The following CHD6 variants were observed in gnomAD, a reference collection of about 807,000 sequenced individuals.
CHD6 encodes the protein chromodomain helicase DNA binding protein 6.
A neutral mutation model predicts 276.9 loss-of-function variants in CHD6; 50 were observed. The ratio of observed to expected loss-of-function variants is 0.18; its 90% confidence interval spans 0.14 to 0.23. The LOEUF is 0.23. CHD6 is among the 10% of genes least tolerant of loss of function. The pLI, the probability that CHD6 is intolerant of heterozygous loss-of-function variation, is 1.00. For missense variants in CHD6, 2,564 were observed against 3,365.8 expected (o/e 0.76, Z 5.89); for synonymous variants, 1,173 against 1,229.3 (o/e 0.95, Z 0.96).
At chr20:41,556,629 TAACTGTC>T (rs1055273380) in intron 1 of CHD6, among the ~76,000 whole-genome samples, 58 of 152,160 alleles carry the variant, frequency 3.8e-4, no homozygotes, top group Middle Eastern at 3.4e-3. Flanking sequence ...TACTGTAGAG[TAACTGTC>T]TAGTTCACTG....
At chr20:41,529,712 T>TA (rs749396653) in intron 3 of CHD6, among the ~76,000 whole-genome samples, 163 of 152,020 alleles carry the variant, frequency 1.1e-3, no homozygotes, top group Admixed American at 4.1e-3. Flanking sequence ...GTTGGCCAGG[T>TA]ATAGCGCCAG....
chr20:41,616,289 T>C (rs951432865), intron 1 of CHD6, among the ~76,000 whole-genome samples: 7 of 152,162 alleles, frequency 4.6e-5, no homozygotes, highest in African/African-American at 1.7e-4. Flanking sequence ...AAAATGATCA[T>C]ATTGAAAGAG....
rs1442992372 is a variant in CHD6, at chr20:41,404,648, T to C, written c.8093A>G (p.His2698Arg). ...TGCCCCCTCCCCAGCCTGTGCCCCATGTTCTCTCTCTGCGGGCAAAGGGGC... is the reference window on the plus strand; with the variant it reads ...TGCCCCCTCCCCAGCCTGTGCCCCACGTTCTCTCTCTGCGGGCAAAGGGGC... ...PSAPLPAERE[H>R]GAQAGEGALK... Residue 2698 changes from histidine to arginine, a missense_variant, in exon 37 of 37, where the codon CAT becomes CGT. His to Arg is a conservative substitution (Grantham distance 29). Coordinates refer to ENST00000373233, the MANE Select transcript of CHD6 (RefSeq NM_032221.5). 3.3e-6 allele frequency: 5 copies of C among 1,525,228 alleles called. No homozygotes were observed. The East Asian group carries it at 9.1e-5, about 28-fold the overall frequency. 94.5% of individuals were successfully genotyped at this position (1,525,228 alleles called of 1,614,324 possible).
At position 41,451,118 on chromosome 20, in the gene CHD6, G is replaced by C; in HGVS notation, c.3524-13C>G. On this transcript the variant is annotated splice_polypyrimidine_tract_variant and intron_variant, in intron 22 of 36. Transcript: ENST00000373233. The stretch of plus-strand genomic sequence containing the variant: ...GGGGCAGATAAGCCTGAAACAGAAA[G>C]ACAGCATAGGGCAAGTGGATAGCCA... 1 of 1,612,406 alleles carries C rather than the reference G, an allele frequency of 6.2e-7. No individual in the cohort carries two copies. The highest frequency in any genetic ancestry group is 8.5e-7 in the Non-Finnish European group (1 of 1,178,938).
At chr20:41,444,095 C>T (rs1487162501) in intron 25 of CHD6, among the ~76,000 whole-genome samples, 3 of 152,132 alleles carry the variant, frequency 2.0e-5, no homozygotes, top group Admixed American at 2.0e-4. Context: ...CTAGGCCTTC[C>T]CCCACAAACC....
At chr20:41,521,603 G>A (rs192840104) in intron 3 of CHD6, among the ~76,000 whole-genome samples, 8 of 152,118 alleles carry the variant, frequency 5.3e-5, no homozygotes, top group East Asian at 1.9e-4. Context: ...TCATATGTGC[G>A]CGTTTGTATG....
At chr20:41,436,957 G>A (rs1307220644) in intron 27 of CHD6, among the ~76,000 whole-genome samples, 1 of 152,152 alleles carries the variant, frequency 6.6e-6, no homozygotes, top group Non-Finnish European at 1.5e-5. Flanking sequence ...ATCCATATCA[G>A]TATCCTGGTT....
At position 41,473,960 on chromosome 20, in the gene CHD6, C is replaced by T. The variant is rs1480987626; in HGVS notation, c.2469-443G>A. Among the ~76,000 whole-genome samples the T allele has an allele frequency of 6.6e-6, 1 of 152,280 alleles. No homozygotes were observed. The highest frequency in any genetic ancestry group is 1.9e-4 in the East Asian group (1 of 5,192). On this transcript the variant is annotated intron_variant, in intron 16 of 36. Transcript: ENST00000373233. The surrounding 1 kb of genome is among the most constrained non-coding windows in gnomAD (Gnocchi z 4.1). ...AGGACTCAGAGTTTTCATCAGTTTC[C>T]AGCTACTTTAGGGTAAACCAGAAAT...
Position 41,490,027 on chromosome 20 carries a change from G to GA in CHD6, c.1437-7dup, listed in dbSNP as rs1372837552. On this transcript the variant is annotated splice_region_variant and splice_polypyrimidine_tract_variant and intron_variant, in intron 11 of 36. Transcript: ENST00000373233. ...CAGCCAAAATACAGTTTTTTCTGCA[G>GA]AGAGTGAGAAATATAGGTAATTCAT... 2 of 1,612,152 alleles carry GA rather than the reference G, an allele frequency of 1.2e-6. No homozygotes were observed. Among genetic ancestry groups the GA allele is most frequent in the African/African-American group, 1.3e-5 (1 of 74,988 alleles).
At chr20:41,470,912 G>A (rs1457706485) in intron 17 of CHD6, among the ~76,000 whole-genome samples, 2 of 152,214 alleles carry the variant, frequency 1.3e-5, no homozygotes, top group East Asian at 1.9e-4. Context: ...CCTGGATATC[G>A]CTTCAGGCAT....
chr20:41,548,451 TA>T (rs947836011), intron 2 of CHD6, among the ~76,000 whole-genome samples: 7 of 152,166 alleles, frequency 4.6e-5, no homozygotes, highest in African/African-American at 1.7e-4. Flanking sequence ...TGTTTTGATT[TA>T]AATAAATGCT....
chr20:41,554,891 T>C (rs934150174), intron 1 of CHD6, among the ~76,000 whole-genome samples: 8 of 152,212 alleles, frequency 5.3e-5, no homozygotes, highest in Non-Finnish European at 7.3e-5. Context: ...CAATGAGCTG[T>C]TGGGTACACC....
chr20:41,552,224 A>G (rs2045157703), intron 1 of CHD6, among the ~76,000 whole-genome samples: 1 of 152,240 alleles, frequency 6.6e-6, no homozygotes, highest in Non-Finnish European at 1.5e-5. Context: ...TTCTAGTTCT[A>G]GCCGGAATAT....
chr20:41,428,627 C>T (rs553370647), intron 27 of CHD6, among the ~76,000 whole-genome samples: 2 of 152,308 alleles, frequency 1.3e-5, no homozygotes, highest in African/African-American at 4.8e-5. Flanking sequence ...TTTGATCTCT[C>T]TCAAGCTCAT....
At chr20:41,586,709 G>T in intron 1 of CHD6, among the ~76,000 whole-genome samples, 1 of 152,076 alleles carries the variant, frequency 6.6e-6, no homozygotes, top group East Asian at 1.9e-4. Context: ...ATAATTCACC[G>T]TATCAACAGA....
intron 11 of CHD6, 67 bp downstream of exon 11, chr20:41,491,631 G>A: frequency 1.3e-6 from 2 of 1,598,200 alleles, no homozygotes; most frequent in Non-Finnish European, 1.7e-6. Context: ...TGCGACTCTA[G>A]GTGTTCCAGG....
rs150552562 is a variant in CHD6, at chr20:41,453,747, C to T, written c.3121-805G>A. Among the ~76,000 whole-genome samples the T allele has an allele frequency of 9.5e-3, 1,454 of 152,274 alleles. 22 individuals are homozygous for T. Among genetic ancestry groups the T allele is most frequent in the Admixed American group, 0.033 (502 of 15,294 alleles). On this transcript the variant is annotated intron_variant, in intron 20 of 36. Coordinates refer to ENST00000373233, the MANE Select transcript of CHD6 (RefSeq NM_032221.5). ...TGCACACACAGTAGCTTCTTGATTG[C>T]GACACTGTGAAACACTTAGAACAGG...
At chr20:41,436,692 A>C (rs1336163801) in intron 27 of CHD6, among the ~76,000 whole-genome samples, 1 of 152,182 alleles carries the variant, frequency 6.6e-6, no homozygotes, top group Non-Finnish European at 1.5e-5. Flanking sequence ...AAAGGAATGA[A>C]CTGTTGATAC....
chr20:41,489,884 T>C lies in CHD6; in HGVS notation c.1574A>G (p.Glu525Gly). The C allele has an allele frequency of 6.2e-7, 1 of 1,613,962 alleles. No individual in the cohort carries two copies. The highest frequency in any genetic ancestry group is 1.7e-5 in the Admixed American group (1 of 60,012). The change falls in exon 12 of 37, where the codon GAG (glutamate) becomes GGG (glycine). Residue 525 changes from glutamate to glycine, a missense_variant. Around this residue, in one of 7 missense-constraint regions of CHD6, gnomAD observed 457 missense variants for 889.0 expected, o/e 0.51. Transcript: ENST00000373233. ...IAPLSTITNWEREFRTWTEMN... is the reference protein window; with the variant it reads ...IAPLSTITNWGREFRTWTEMN... ...CTCTGTCCATGTCCGGAACTCCCGC[T>C]CCCAGTTAGTGATGGTGGAGAGAGG...
Sources: allele counts gnomAD v4.1 joint callset (sites outside exome capture counted in the v4.1 genomes callset), GRCh38; gene constraint gnomAD v4.1.1; regional missense constraint gnomAD v4.1.1; non-coding constraint Gnocchi (gnomAD v3.1); transcripts MANE v1.5; gene names NCBI Gene and HGNC (gene_info 2026-07-23, HGNC 2026-07-21).